TCF12: variants seen among roughly 807,000 people sequenced by gnomAD.
TCF12 encodes the protein transcription factor 12, also known as DNA-binding protein HTF4.
A neutral mutation model predicts 86.0 loss-of-function variants in TCF12; 45 were observed. The observed-to-expected ratio is 0.52, with a 90% CI of 0.41 to 0.67. TCF12 has a LOEUF of 0.67. Ranked by LOEUF, TCF12 falls within the 30% of genes least tolerant of loss-of-function variation. TCF12 has a pLI of 0.00. For synonymous variants in TCF12, 330 were observed against 299.6 expected (o/e 1.10, Z -1.05); for missense variants, 881 against 859.9 (o/e 1.02, Z -0.31).
intron 8 of TCF12, among the ~76,000 whole-genome samples, chr15:57,213,324 G>C (rs545817468): frequency 6.6e-6 from 1 of 152,272 alleles, no homozygotes; most frequent in East Asian, 1.9e-4. Context: ...AGATCTGTAT[G>C]ATTTCTTCCA....
intron 5 of TCF12, among the ~76,000 whole-genome samples, chr15:57,126,614 CTTAG>C (rs1332153230): frequency 2.6e-5 from 4 of 152,140 alleles, no homozygotes; most frequent in African/African-American, 9.7e-5. Context: ...TCTTTGGCTC[CTTAG>C]TTAGATTCCA....
At chr15:57,278,992 C>A (rs1437171999) in intron 19 of TCF12, among the ~76,000 whole-genome samples, 2 of 60,862 alleles carry the variant, frequency 3.3e-5, no homozygotes, top group African/African-American at 1.4e-4. Flanking sequence ...ATTTTCTTTT[C>A]TTTCCTTTCC....
rs1466817154 is a variant in TCF12 at position 57,140,627 on chromosome 15, G to A, written c.326-25775G>A. On this transcript the variant is annotated intron_variant, in intron 5 of 20. Coordinates refer to ENST00000333725, the MANE Select transcript of TCF12 (RefSeq NM_207037.2). ...TACAAAGTGCCGTGTAATTATTGCA[G>A]ATAGCCTTTATTTAACTATTTATTT... Among the ~76,000 whole-genome samples the A allele has an allele frequency of 2.0e-5, 3 of 152,212 alleles. No individual in the cohort carries two copies. In the East Asian group the frequency reaches 5.8e-4, roughly 29 times the overall value.
chr15:57,153,831 G>A (rs1384572347), intron 5 of TCF12, among the ~76,000 whole-genome samples: 5 of 151,786 alleles, frequency 3.3e-5, no homozygotes, highest in Non-Finnish European at 7.4e-5. Flanking sequence ...AGACCAGCTG[G>A]GGCAACATAG....
chr15:57,229,710 C>G (rs1277487007), intron 8 of TCF12, among the ~76,000 whole-genome samples: 1 of 151,786 alleles, frequency 6.6e-6, no homozygotes, highest in Admixed American at 6.6e-5. Flanking sequence ...ATACTGTTAG[C>G]TATAACTTAT....
At chr15:57,186,354 C>T (rs557907080) in intron 6 of TCF12, among the ~76,000 whole-genome samples, 1 of 152,164 alleles carries the variant, frequency 6.6e-6, no homozygotes, top group East Asian at 1.9e-4. Context: ...TTAAAATTAA[C>T]CGAGTGTGAT....
Position 57,044,948 on chromosome 15 carries a change from G to C in TCF12, c.149-18802G>C, listed in dbSNP as rs1232631111. 3.9e-5 allele frequency among the ~76,000 whole-genome samples: 6 copies of C among 152,032 alleles called. No individual in the cohort carries two copies. In the South Asian group the frequency reaches 1.2e-3, roughly 32 times the overall value. Reference sequence around the variant, plus strand: ...AAAAAGCAGTGAAGATAAACTTGGGGGTGTAAATGACAAAGCATCCAGAAT... The same window carrying C: ...AAAAAGCAGTGAAGATAAACTTGGGCGTGTAAATGACAAAGCATCCAGAAT... On this transcript the variant is annotated intron_variant, in intron 3 of 20. Coordinates refer to ENST00000333725, the MANE Select transcript of TCF12 (RefSeq NM_207037.2).
intron 3 of TCF12, among the ~76,000 whole-genome samples, chr15:56,975,698 A>G (rs961905734): frequency 6.6e-6 from 1 of 152,072 alleles, no homozygotes; most frequent in Non-Finnish European, 1.5e-5. Flanking sequence ...CTAAACTTTT[A>G]TATCAGACAA....
chr15:57,185,029 T>G (rs1389064691), intron 6 of TCF12, among the ~76,000 whole-genome samples: 1 of 152,208 alleles, frequency 6.6e-6, no homozygotes, highest in Non-Finnish European at 1.5e-5. Flanking sequence ...ATGTACCAAA[T>G]GTTGTATCTA....
intron 3 of TCF12, among the ~76,000 whole-genome samples, chr15:57,007,143 A>G (rs1217114173): frequency 6.6e-6 from 1 of 152,224 alleles, no homozygotes; most frequent in Non-Finnish European, 1.5e-5. Flanking sequence ...TCGTATGTGA[A>G]ACATTTCCTC....
chr15:57,057,616 G>C (rs1302771400), intron 3 of TCF12, among the ~76,000 whole-genome samples: 1 of 148,960 alleles, frequency 6.7e-6, no homozygotes, highest in African/African-American at 2.5e-5. Context: ...AAGAACAGTA[G>C]GAGATGAGTT....
At chr15:57,167,497 G>C (rs571886279) in intron 6 of TCF12, among the ~76,000 whole-genome samples, 4 of 152,086 alleles carry the variant, frequency 2.6e-5, no homozygotes, top group Non-Finnish European at 5.9e-5. Context: ...GGAGTTGAAG[G>C]CTGCAGTGAC....
At chr15:57,159,306 T>C (rs796273682) in intron 5 of TCF12, among the ~76,000 whole-genome samples, 3 of 152,346 alleles carry the variant, frequency 2.0e-5, no homozygotes, top group African/African-American at 4.8e-5. Context: ...TCATACTCTA[T>C]GGCATTGCAG....
At chr15:57,221,514 T>C (rs1395821917) in intron 8 of TCF12, among the ~76,000 whole-genome samples, 2 of 151,660 alleles carry the variant, frequency 1.3e-5, no homozygotes, top group Admixed American at 6.6e-5. Flanking sequence ...GTTACTGTAT[T>C]ACATTTCTCT....
chr15:56,981,989 T>G (rs1009288563), intron 3 of TCF12, among the ~76,000 whole-genome samples: 1 of 152,290 alleles, frequency 6.6e-6, no homozygotes, highest in South Asian at 2.1e-4. Flanking sequence ...GTACACTTGG[T>G]GTAGCTTTTA....
At chr15:57,148,319 C>G (rs1298945497) in intron 5 of TCF12, among the ~76,000 whole-genome samples, 7 of 151,346 alleles carry the variant, frequency 4.6e-5, no homozygotes, top group Admixed American at 3.3e-4. Flanking sequence ...GTAGTCCCAG[C>G]TGTTTGAAGG....
intron 6 of TCF12, among the ~76,000 whole-genome samples, chr15:57,170,737 A>ATATATATTATATATAAC (rs1567559372): frequency 4.0e-4 from 10 of 24,836 alleles, no homozygotes; most frequent in African/African-American, 5.4e-4. Context: ...TATTATATAT[A>ATATATATTATATATAAC]ATATATATTA....
At chr15:57,159,725 T>C (rs1279059323) in intron 5 of TCF12, among the ~76,000 whole-genome samples, 1 of 107,052 alleles carries the variant, frequency 9.3e-6, no homozygotes, top group East Asian at 2.8e-4. Context: ...ATACTTAAAT[T>C]ATAACACATG....
chr15:57,253,188 G>A (rs1453209463), intron 15 of TCF12, 74 bp from the exon 16 acceptor site: 1 of 1,513,380 alleles, frequency 6.6e-7, no homozygotes, highest in East Asian at 2.3e-5. Context: ...ATATCACATA[G>A]TAGGAAACGT....
Sources: gnomAD v4.1 joint callset for allele counts (sites outside exome capture counted in the v4.1 genomes callset) on GRCh38, gnomAD v4.1.1 for gene constraint, MANE v1.5 for transcripts, NCBI Gene and HGNC (gene_info 2026-07-23, HGNC 2026-07-21) for gene names.